Variants in PAPSS1 observed in about 807,000 individuals in gnomAD.
PAPSS1 encodes the protein 3'-phosphoadenosine 5'-phosphosulfate synthase 1.
Under a neutral mutation model 72.0 loss-of-function variants are expected in PAPSS1, and 50 were observed. That is an observed-to-expected ratio of 0.69 (90% CI 0.55 to 0.88). The LOEUF is 0.88. Ranked by LOEUF, PAPSS1 falls within the 40% of genes least tolerant of loss-of-function variation. The pLI is 0.00. For synonymous variants in PAPSS1, 261 were observed against 263.6 expected (o/e 0.99, Z 0.09); for missense variants, 657 against 782.2 (o/e 0.84, Z 1.91).
intron 9 of PAPSS1, 88 bp downstream of exon 9, chr4:107,653,403 G>T: frequency 7.9e-7 from 1 of 1,273,656 alleles, no homozygotes; most frequent in Non-Finnish European, 1.1e-6. Flanking sequence ...TGTACTCATC[G>T]TTTTACATTT....
chr4:107,633,641 T>G (rs924796897), intron 10 of PAPSS1, among the ~76,000 whole-genome samples: 1 of 151,894 alleles, frequency 6.6e-6, no homozygotes, highest in Non-Finnish European at 1.5e-5. Context: ...GATTGGTGGC[T>G]GGGCACAGTG....
intron 1 of PAPSS1, among the ~76,000 whole-genome samples, chr4:107,708,364 G>A (rs1280953413): frequency 6.6e-6 from 1 of 152,158 alleles, no homozygotes; most frequent in Non-Finnish European, 1.5e-5. Flanking sequence ...GGAGGAAAAG[G>A]GAGCTAAAGT....
intron 1 of PAPSS1, among the ~76,000 whole-genome samples, chr4:107,708,732 A>G (rs1384397488): frequency 6.6e-6 from 1 of 152,202 alleles, no homozygotes; most frequent in Non-Finnish European, 1.5e-5. Context: ...GGCAGCAAAC[A>G]TAGTACTCTG....
At position 107,653,471 on chromosome 4, in the gene PAPSS1, TA is replaced by T. The variant is rs772210258; in HGVS notation, c.1237+19del. 1 of 1,604,244 alleles carries T rather than the reference TA, an allele frequency of 6.2e-7. No individual in the cohort carries two copies. The highest frequency in any genetic ancestry group is 8.5e-7 in the Non-Finnish European group (1 of 1,176,316). On this transcript the variant is annotated intron_variant, in intron 9 of 11. Transcript: ENST00000265174. ...TCTCTCCAAGCCGGCCTATATTAGG[TA>T]ATTAAATCCATGTCTTACCAGCATT...
intron 11 of PAPSS1, among the ~76,000 whole-genome samples, chr4:107,628,178 T>C (rs1726146595): frequency 6.6e-6 from 1 of 152,210 alleles, no homozygotes; most frequent in Non-Finnish European, 1.5e-5. Context: ...TTAGCTACAG[T>C]TCATCGCTCA....
At chr4:107,643,060 A>G (rs1213367200) in intron 10 of PAPSS1, among the ~76,000 whole-genome samples, 2 of 152,230 alleles carry the variant, frequency 1.3e-5, no homozygotes, top group Non-Finnish European at 2.9e-5. Context: ...AAAATCACAC[A>G]GCGAAACACC....
intron 11 of PAPSS1, 44 bp from the exon 12 acceptor site, chr4:107,614,431 A>AT: frequency 6.6e-7 from 1 of 1,513,246 alleles, no homozygotes; most frequent in Non-Finnish European, 9.1e-7. Flanking sequence ...AATTTTAGAA[A>AT]CTTAGATTTT....
At chr4:107,623,347 C>A (rs1193660675) in intron 11 of PAPSS1, among the ~76,000 whole-genome samples, 4 of 151,752 alleles carry the variant, frequency 2.6e-5, no homozygotes, top group African/African-American at 9.7e-5. Flanking sequence ...TAAAACTGTT[C>A]ATTAAGTATA....
At chr4:107,642,838 G>T (rs1202880616) in intron 10 of PAPSS1, among the ~76,000 whole-genome samples, 1 of 152,144 alleles carries the variant, frequency 6.6e-6, no homozygotes, top group Non-Finnish European at 1.5e-5. Context: ...CACTGCTGAT[G>T]GGAGTGTAAA....
intron 10 of PAPSS1, among the ~76,000 whole-genome samples, chr4:107,639,174 ATGACATTTTTTCCCT>A (rs1726470321): frequency 6.6e-6 from 1 of 151,600 alleles, no homozygotes; most frequent in African/African-American, 2.4e-5. Context: ...GAGAAAAAAA[ATGACATTTTTTCCCT>A]ATGAAAAGCA....
At chr4:107,711,080 T>G (rs1339264553) in intron 1 of PAPSS1, among the ~76,000 whole-genome samples, 4 of 152,266 alleles carry the variant, frequency 2.6e-5, no homozygotes, top group Non-Finnish European at 4.4e-5. Context: ...CAACCTCCTT[T>G]GTTACTAGTC....
At chr4:107,716,276 G>C (rs925480462) in intron 1 of PAPSS1, among the ~76,000 whole-genome samples, 1 of 152,206 alleles carries the variant, frequency 6.6e-6, no homozygotes, top group African/African-American at 2.4e-5. Context: ...CCACACATTT[G>C]TTAAGGTAAA....
chr4:107,620,599 TA>T (rs1365292822), intron 11 of PAPSS1, among the ~76,000 whole-genome samples: 2 of 152,176 alleles, frequency 1.3e-5, no homozygotes, highest in Non-Finnish European at 2.9e-5. Context: ...AGGGCTGTCC[TA>T]AAGTGTACTG....
intron 5 of PAPSS1, among the ~76,000 whole-genome samples, chr4:107,676,138 C>A (rs1727637939): frequency 6.6e-6 from 1 of 152,158 alleles, no homozygotes; most frequent in African/African-American, 2.4e-5. Context: ...CAGGGATGCC[C>A]TCTCTCACCA....
intron 9 of PAPSS1, 45 bp from the exon 10 acceptor site, chr4:107,645,115 G>C: frequency 7.3e-7 from 1 of 1,375,926 alleles, no homozygotes; most frequent in South Asian, 1.9e-5. Flanking sequence ...GTTTCTAACA[G>C]ATTACTTTCC....
In PAPSS1 at chr4:107,625,123, A is replaced by G. The variant is rs199796229; in HGVS notation, c.1736+6508T>C. ...TTTGGCCATTTTAAGAAATGGCTGA[A>G]GAAGAAATAAATTTAGAAAGAAATC... On this transcript the variant is annotated intron_variant, in intron 11 of 11. Transcript: ENST00000265174. 1.2e-4 allele frequency among the ~76,000 whole-genome samples: 19 copies of G among 152,358 alleles called. No individual in the cohort carries two copies. In the East Asian group the frequency reaches 2.1e-3, roughly 17 times the overall value.
intron 11 of PAPSS1, among the ~76,000 whole-genome samples, chr4:107,625,004 G>T (rs1264820760): frequency 6.6e-6 from 1 of 152,184 alleles, no homozygotes; most frequent in Non-Finnish European, 1.5e-5. Flanking sequence ...GAGGGAAAAG[G>T]ATAAAGGACT....
In PAPSS1 at chr4:107,645,047, G is replaced by A. The variant is rs779975662; in HGVS notation, c.1261C>T (p.Arg421Cys). 9.0e-6 allele frequency: 14 copies of A among 1,548,080 alleles called. No individual in the cohort carries two copies. Among genetic ancestry groups the A allele is most frequent in the Admixed American group, 4.0e-5 (2 of 50,552 alleles). Residue 421 changes from arginine to cysteine, a missense_variant, in exon 10 of 12, where the codon CGC becomes TGC. By Grantham distance (180) the Arg-to-Cys change is radical (BLOSUM62 -3). This residue lies in a region of PAPSS1 where 166 missense variants were observed against 228.3 expected (regional missense o/e 0.73). Transcript: ENST00000265174. Reference protein sequence around the residue: ...NADAVFAFQLRNPVHNGHALL... With the variant: ...NADAVFAFQLCNPVHNGHALL... ...GCATGTCCATTGTGCACTGGGTTGC[G>A]TAGTTGAAATGCAAAGACAGCATCT...
At chr4:107,674,749 C>T (rs1270445947) in intron 5 of PAPSS1, among the ~76,000 whole-genome samples, 4 of 151,792 alleles carry the variant, frequency 2.6e-5, no homozygotes, top group Admixed American at 6.5e-5. Context: ...AGCACCACAC[C>T]GCACTTACTC....
Sources: gnomAD v4.1 joint callset for allele counts (sites outside exome capture counted in the v4.1 genomes callset) on GRCh38, gnomAD v4.1.1 for gene constraint, gnomAD v4.1.1 regional missense constraint, MANE v1.5 for transcripts, NCBI Gene and HGNC (gene_info 2026-07-23, HGNC 2026-07-21) for gene names.